TRAF3: variants seen among roughly 807,000 people sequenced by gnomAD.
The protein encoded by TRAF3 is TNF receptor-associated factor 3.
TRAF3 carries 13 observed loss-of-function variants against 62.3 expected under a neutral mutation model. That is an observed-to-expected ratio of 0.21 (90% CI 0.14 to 0.33). The LOEUF is 0.33. Ranked by LOEUF, TRAF3 falls within the 10% of genes least tolerant of loss-of-function variation. The pLI is 1.00. For missense variants in TRAF3, 440 were observed against 741.8 expected (o/e 0.59, Z 4.73); for synonymous variants, 269 against 283.4 (o/e 0.95, Z 0.51).
chr14:102,881,425 A>C (rs1391993337), intron 6 of TRAF3, among the ~76,000 whole-genome samples: 2 of 151,536 alleles, frequency 1.3e-5, no homozygotes, highest in Admixed American at 6.6e-5. Context: ...AAAAGGAAGG[A>C]GATCATCTAC....
intron 1 of TRAF3, among the ~76,000 whole-genome samples, chr14:102,781,365 A>G (rs1002801425): frequency 5.3e-5 from 8 of 152,124 alleles, no homozygotes; most frequent in Admixed American, 5.2e-4. Flanking sequence ...GGTCATGCAT[A>G]CTGTACTGTG....
intron 2 of TRAF3, among the ~76,000 whole-genome samples, chr14:102,838,485 G>GC (rs1462701567): frequency 3.3e-5 from 5 of 152,240 alleles, no homozygotes; most frequent in African/African-American, 9.6e-5. Flanking sequence ...GGGTGTGCCT[G>GC]CCGTCCTGCT....
At chr14:102,804,124 A>T in intron 1 of TRAF3, among the ~76,000 whole-genome samples, 1 of 152,082 alleles carries the variant, frequency 6.6e-6, no homozygotes, top group Non-Finnish European at 1.5e-5. Flanking sequence ...CAGGAGGTCC[A>T]TACTGCAGTG....
intron 1 of TRAF3, among the ~76,000 whole-genome samples, chr14:102,786,365 C>T (rs1422672522): frequency 2.0e-5 from 3 of 152,118 alleles, no homozygotes; most frequent in Non-Finnish European, 4.4e-5. Flanking sequence ...GTGTAATTTA[C>T]CATAATAAAA....
chr14:102,905,947 C>G lies in TRAF3; in HGVS notation c.*163C>G, dbSNP rs1890567271. 1.3e-5 allele frequency: 8 copies of G among 606,406 alleles called. No homozygotes were observed. In the East Asian group the frequency reaches 2.2e-4, roughly 17 times the overall value. 37.6% of individuals were successfully genotyped at this position (606,406 alleles called of 1,614,324 possible). On this transcript the variant is annotated 3_prime_UTR_variant, in exon 12 of 12. Coordinates refer to ENST00000392745, the MANE Select transcript of TRAF3 (RefSeq NM_145725.3). ...CGGGAGGAGCCACGCGTGAGCACAC[C>G]TGACACGTTTTATAATAGACTAGCC...
At chr14:102,893,363 C>T (rs1032248020) in intron 9 of TRAF3, among the ~76,000 whole-genome samples, 1 of 148,860 alleles carries the variant, frequency 6.7e-6, no homozygotes, top group Non-Finnish European at 1.5e-5. Flanking sequence ...GCACTCCAGC[C>T]TGGGCGACAG....
At chr14:102,804,236 T>C (rs1204829301) in intron 1 of TRAF3, among the ~76,000 whole-genome samples, 3 of 152,058 alleles carry the variant, frequency 2.0e-5, no homozygotes, top group Non-Finnish European at 4.4e-5. Context: ...TTGACTTGTG[T>C]GTGTCTACGC....
chr14:102,826,697 G>A lies in TRAF3; in HGVS notation c.-156-3637G>A, dbSNP rs1043258815. Among the ~76,000 whole-genome samples the A allele has an allele frequency of 7.2e-5, 11 of 152,196 alleles. No homozygotes were observed. Among genetic ancestry groups the A allele is most frequent in the African/African-American group, 2.4e-4 (10 of 41,520 alleles). ...GATTCTTTAATTTGTTTATTCATTC[G>A]TGCAGTCCTTCACCTCACACCTGTT... On this transcript the variant is annotated intron_variant, in intron 1 of 11. Transcript: ENST00000392745. This position sits in a 1 kb window ranked among gnomAD's most constrained non-coding sequence, Gnocchi z 4.6.
intron 1 of TRAF3, among the ~76,000 whole-genome samples, chr14:102,821,335 A>G (rs1031198558): frequency 6.6e-6 from 1 of 152,210 alleles, no homozygotes; most frequent in Non-Finnish European, 1.5e-5. Context: ...AAAGTTGAGA[A>G]TGGTCTTTTG....
chr14:102,899,785 G>T (rs933701719), intron 10 of TRAF3, among the ~76,000 whole-genome samples: 2 of 152,210 alleles, frequency 1.3e-5, no homozygotes, highest in African/African-American at 4.8e-5. Context: ...CAGGCAGGGG[G>T]TCAAGGAGTG....
intron 6 of TRAF3, among the ~76,000 whole-genome samples, chr14:102,879,870 A>C (rs2139881377): frequency 6.6e-6 from 1 of 152,156 alleles, no homozygotes; most frequent in African/African-American, 2.4e-5. Flanking sequence ...TGTGCCCAGC[A>C]CTTTGGGAGG....
intron 6 of TRAF3, among the ~76,000 whole-genome samples, chr14:102,879,475 C>T (rs1414169436): frequency 6.6e-6 from 1 of 151,964 alleles, no homozygotes; most frequent in African/African-American, 2.4e-5. Context: ...CCAGTCTGGT[C>T]TCAAAACTCC....
chr14:102,895,268 TC>T (rs1889943964), intron 9 of TRAF3: 1 of 316,948 alleles, frequency 3.2e-6, no homozygotes. Context: ...CGGAGTAAAA[TC>T]CTAGGAAAGT....
intron 2 of TRAF3, among the ~76,000 whole-genome samples, chr14:102,846,865 G>A (rs1886757872): frequency 6.6e-6 from 1 of 152,108 alleles, no homozygotes; most frequent in South Asian, 2.1e-4. Flanking sequence ...ACTTACGTAT[G>A]TGGTGGAAGG....
chr14:102,878,239 G>A (rs1177817478), intron 6 of TRAF3, among the ~76,000 whole-genome samples: 1 of 152,172 alleles, frequency 6.6e-6, no homozygotes, highest in Non-Finnish European at 1.5e-5. Flanking sequence ...TTGTCCTACA[G>A]CATTGAAATG....
chr14:102,873,872 T>C (rs1243204869), intron 4 of TRAF3, among the ~76,000 whole-genome samples: 1 of 152,190 alleles, frequency 6.6e-6, no homozygotes, highest in Non-Finnish European at 1.5e-5. Flanking sequence ...AAAAGGCACA[T>C]TAAGCTCCTG....
rs1259205566 is a variant in TRAF3, at chr14:102,909,432, C to G, written c.*3648C>G. Reference sequence around the variant, plus strand: ...CTCTGCCGAGGGACAGCACCTGTGTCCCTTCGATGCCACAACAGCCAGTTG... The same window carrying G: ...CTCTGCCGAGGGACAGCACCTGTGTGCCTTCGATGCCACAACAGCCAGTTG... On this transcript the variant is annotated 3_prime_UTR_variant, in exon 12 of 12. Coordinates refer to ENST00000392745, the MANE Select transcript of TRAF3 (RefSeq NM_145725.3). 1.3e-5 allele frequency: 2 copies of G among 152,456 alleles called. No individual in the cohort carries two copies. The highest frequency in any genetic ancestry group is 1.3e-4 in the Admixed American group (2 of 15,296). The allele number at this position is 152,456 out of a possible 1,614,324, so 9.4% of individuals were successfully genotyped here. A position where few individuals can be genotyped will look rare whatever the true frequency, so the allele number is the denominator to read the frequency against.
intron 1 of TRAF3, among the ~76,000 whole-genome samples, chr14:102,792,113 CTTTTTTTTTTTTT>C (rs35895214): frequency 1.0e-5 from 1 of 97,702 alleles, no homozygotes. Context: ...TGTGCCTGGA[CTTTTTTTTTTTTT>C]TTTTTTTTTT....
intron 2 of TRAF3, among the ~76,000 whole-genome samples, chr14:102,868,978 C>G (rs1888166526): frequency 6.6e-6 from 1 of 152,200 alleles, no homozygotes; most frequent in African/African-American, 2.4e-5. Flanking sequence ...TAAAGAGTAC[C>G]TTGTTAGCAA....
Sources: gnomAD v4.1 joint callset for allele counts (sites outside exome capture counted in the v4.1 genomes callset) on GRCh38, gnomAD v4.1.1 for gene constraint, Gnocchi (gnomAD v3.1) non-coding constraint, MANE v1.5 for transcripts, NCBI Gene and HGNC (gene_info 2026-07-23, HGNC 2026-07-21) for gene names.